The following LRP1 variants were observed in gnomAD, a reference collection of about 807,000 sequenced individuals.
The protein encoded by LRP1 is prolow-density lipoprotein receptor-related protein 1.
LRP1 carries 51 observed loss-of-function variants against 541.5 expected under a neutral mutation model. The ratio of observed to expected loss-of-function variants is 0.09; its 90% CI spans 0.08 to 0.12. LRP1 has a LOEUF of 0.12. LRP1 is among the 10% of genes least tolerant of loss of function. LRP1 has a pLI of 1.00. For missense variants in LRP1, 3,878 were observed against 6,376.2 expected (o/e 0.61, Z 13.34); for synonymous variants, 2,219 against 2,470.8 (o/e 0.90, Z 3.02).
rs1344427030 is a variant in LRP1, at chr12:57,178,892, C to T, written c.4609C>T (p.Pro1537Ser). Residue 1537 changes from proline to serine, a missense_variant and splice_region_variant, in exon 28 of 89, where the codon CCC becomes TCC. Coordinates refer to ENST00000243077, the MANE Select transcript of LRP1 (RefSeq NM_002332.3). The surrounding 1 kb of genome is among the most constrained non-coding windows in gnomAD (Gnocchi z 5.8). ...VYHPSRQPMA[P>S]NPCEANGGQG... The stretch of plus-strand genomic sequence containing the variant: ...TCTCTTCTCCACCCTGCCCCCAGCT[C>T]CCAATCCCTGTGAGGCCAATGGGGG... 1 of 1,612,292 alleles carries T rather than the reference C, an allele frequency of 6.2e-7. No individual in the cohort carries two copies. The highest frequency in any genetic ancestry group is 1.3e-5 in the African/African-American group (1 of 74,854).
intron 1 of LRP1, among the ~76,000 whole-genome samples, chr12:57,132,991 G>A (rs1162408971): frequency 6.6e-6 from 1 of 152,130 alleles, no homozygotes; most frequent in Non-Finnish European, 1.5e-5. Context: ...CACTAATTTG[G>A]GGAATGGGTT....
At position 57,138,442 on chromosome 12, in the gene LRP1, T is replaced by C; in HGVS notation, c.68-17T>C. On this transcript the variant is annotated splice_polypyrimidine_tract_variant and intron_variant, in intron 1 of 88. Transcript: ENST00000243077. ...CTCCATCCTTCATTTATATCCCCTT[T>C]TCTTTCCTTGCCCTAGCCCCTAAGA... The C allele has an allele frequency of 6.2e-7, 1 of 1,612,886 alleles. No individual in the cohort carries two copies. The highest frequency in any genetic ancestry group is 8.5e-7 in the Non-Finnish European group (1 of 1,179,238).
intron 1 of LRP1, among the ~76,000 whole-genome samples, chr12:57,136,159 C>T (rs1170745982): frequency 4.6e-5 from 7 of 152,186 alleles, no homozygotes; most frequent in African/African-American, 1.4e-4. Flanking sequence ...CACAGCTGGC[C>T]CAGTGGGGCA....
In LRP1 at chr12:57,186,036, AC is replaced by A. The variant is rs1254132584; in HGVS notation, c.6841+129del. ...AGCAGCTACAACTCAGCTGAATCCA[AC>A]TGCACCCCCGCAGTTACATGACTCC... On this transcript the variant is annotated intron_variant, in intron 41 of 88. Transcript: ENST00000243077. 3 of 1,078,906 alleles carry A rather than the reference AC, an allele frequency of 2.8e-6. No individual in the cohort carries two copies. In the African/African-American group the frequency reaches 4.8e-5, roughly 17 times the overall value. The allele number at this position is 1,078,906 out of a possible 1,614,324, so 66.8% of individuals were successfully genotyped here. A position where few individuals can be genotyped will look rare whatever the true frequency, so the allele number is the denominator to read the frequency against.
chr12:57,158,469 G>T lies in LRP1; in HGVS notation c.1629G>T (p.Met543Ile). ...GRPGIIRGMD[M>I]GAKVPDEHMI... is the part of the protein sequence containing the mutation. ...CAGGCATCATCCGGGGCATGGATATGGGGGCCAAGGTCCCGGATGAGCACA... is the reference window on the plus strand; with the variant it reads ...CAGGCATCATCCGGGGCATGGATATTGGGGCCAAGGTCCCGGATGAGCACA... Residue 543 changes from methionine to isoleucine, a missense_variant, in exon 11 of 89, where the codon ATG (methionine) becomes ATT (isoleucine). This residue lies in a region of LRP1 where 496 missense variants were observed against 861.0 expected (regional missense o/e 0.58). Coordinates refer to ENST00000243077, the MANE Select transcript of LRP1 (RefSeq NM_002332.3). This position sits in a 1 kb window ranked among gnomAD's most constrained non-coding sequence, Gnocchi z 5.3. The T allele has an allele frequency of 6.2e-7, 1 of 1,614,162 alleles. No homozygotes were observed. The highest frequency in any genetic ancestry group is 8.5e-7 in the Non-Finnish European group (1 of 1,179,990).
chr12:57,173,010 G>A lies in LRP1; in HGVS notation c.3164-158G>A, dbSNP rs1404778114. On this transcript the variant is annotated intron_variant, in intron 20 of 88. Transcript: ENST00000243077. This position sits in a 1 kb window ranked among gnomAD's most constrained non-coding sequence, Gnocchi z 4.7. ...TGCCTCCTGACTCTACTACTGAGTT[G>A]GTGCTTCCAAGGAGTGTCAGCAAAG... 6.6e-6 allele frequency among the ~76,000 whole-genome samples: 1 copy of A among 152,184 alleles called. No individual in the cohort carries two copies. Among genetic ancestry groups the A allele is most frequent in the African/African-American group, 2.4e-5 (1 of 41,446 alleles).
At chr12:57,182,309 G>C (rs922003305) in intron 34 of LRP1, among the ~76,000 whole-genome samples, 1 of 151,362 alleles carries the variant, frequency 6.6e-6, no homozygotes. Context: ...TCAGAAGTTT[G>C]AGACTAGCTT....
chr12:57,172,050 G>A (rs564792168), intron 20 of LRP1, among the ~76,000 whole-genome samples: 50 of 143,242 alleles, frequency 3.5e-4, no homozygotes, highest in Admixed American at 5.6e-4. Flanking sequence ...CAGCTGTGGC[G>A]TTTTCTTTTT....
In LRP1 at chr12:57,195,120, G is replaced by A. The variant is rs1244638639; in HGVS notation, c.8308+19G>A. Reference sequence around the variant, plus strand: ...CACTGTGGTAAGGAAGCTGGGATTGGGCCGGGGGAGGTGCCCCAGGGAGGG... The same window carrying A: ...CACTGTGGTAAGGAAGCTGGGATTGAGCCGGGGGAGGTGCCCCAGGGAGGG... On this transcript the variant is annotated intron_variant, in intron 51 of 88. Transcript: ENST00000243077. The A allele has an allele frequency of 3.1e-6, 5 of 1,608,870 alleles. No homozygotes were observed. The highest frequency in any genetic ancestry group is 2.6e-6 in the Non-Finnish European group (3 of 1,175,660).
At chr12:57,207,605 C>G (rs7977876) in intron 76 of LRP1, among the ~76,000 whole-genome samples, 1 of 151,966 alleles carries the variant, frequency 6.6e-6, no homozygotes, top group Non-Finnish European at 1.5e-5. Flanking sequence ...AGGGGGCAGT[C>G]TTAGGATTGT....
Position 57,212,071 on chromosome 12 carries a change from TC to T in LRP1, c.13350-39del, listed in dbSNP as rs752733226. ...GGTCATTATTTTGCCATCCTAGCCT[TC>T]CCCCCCAATAATCTCTGTCTCCTTA... On this transcript the variant is annotated intron_variant, in intron 87 of 88. Transcript: ENST00000243077. The surrounding 1 kb of genome is among the most constrained non-coding windows in gnomAD (Gnocchi z 5.0). 6.2e-7 allele frequency: 1 copy of T among 1,612,340 alleles called. No homozygotes were observed. The highest frequency in any genetic ancestry group is 1.1e-5 in the South Asian group (1 of 90,990).
intron 30 of LRP1, 41 bp from the exon 31 acceptor site, chr12:57,180,006 A>G (rs747224528): frequency 5.6e-6 from 9 of 1,613,724 alleles, no homozygotes; most frequent in Admixed American, 3.3e-5. Flanking sequence ...GGCTGGGAAG[A>G]AGAGGACCCT....
Position 57,154,895 on chromosome 12 carries a change from G to T in LRP1, c.1227+194G>T, listed in dbSNP as rs537867917. ...CAAGATACGGGTTCCACTGTGATGG[G>T]AACAGTCATTTTAGAAACACCACTT... On this transcript the variant is annotated intron_variant, in intron 8 of 88. Transcript: ENST00000243077. This position sits in a 1 kb window ranked among gnomAD's most constrained non-coding sequence, Gnocchi z 4.6. 5 of 618,014 alleles carry T rather than the reference G, an allele frequency of 8.1e-6. No homozygotes were observed. In the Admixed American group the frequency reaches 1.4e-4, roughly 17 times the overall value. 38.3% of individuals were successfully genotyped at this position (618,014 alleles called of 1,614,324 possible). A position where few individuals can be genotyped will look rare whatever the true frequency, so the allele number is the denominator to read the frequency against.
chr12:57,156,895 G>A lies in LRP1; in HGVS notation c.1536G>A (p.Leu512=). ...RTCRCRSGFS[L]GSDGKSCKKP... Reference sequence around the variant, plus strand: ...GCCGCTGCCGTTCCGGCTTCAGCCTGGGCAGTGACGGGAAGTCATGCAAGA... The same window carrying A: ...GCCGCTGCCGTTCCGGCTTCAGCCTAGGCAGTGACGGGAAGTCATGCAAGA... The change falls in exon 10 of 89, where the codon CTG becomes CTA. Residue 512 remains leucine, a synonymous_variant. Transcript: ENST00000243077. This position sits in a 1 kb window ranked among gnomAD's most constrained non-coding sequence, Gnocchi z 5.2. The A allele has an allele frequency of 6.3e-7, 1 of 1,587,440 alleles. No individual in the cohort carries two copies. The highest frequency in any genetic ancestry group is 8.6e-7 in the Non-Finnish European group (1 of 1,167,294).
rs544309738 is a variant in LRP1 at position 57,156,424 on chromosome 12, C to T, written c.1417+141C>T. 1 of 881,886 alleles carries T rather than the reference C, an allele frequency of 1.1e-6. No individual in the cohort carries two copies. Among genetic ancestry groups the T allele is most frequent in the African/African-American group, 1.7e-5 (1 of 59,114 alleles). 54.6% of individuals were successfully genotyped at this position (881,886 alleles called of 1,614,324 possible). ...CATGACCGATTCTCCTAGCCAGCCA[C>T]TCGGGCTACCTGCCCTGGCCCCTCA... On this transcript the variant is annotated intron_variant, in intron 9 of 88. Transcript: ENST00000243077. This position sits in a 1 kb window ranked among gnomAD's most constrained non-coding sequence, Gnocchi z 5.2.
rs1190699844 is a variant in LRP1 at position 57,206,130 on chromosome 12, T to C, written c.11591-343T>C. On this transcript the variant is annotated intron_variant, in intron 75 of 88. Transcript: ENST00000243077. The surrounding 1 kb of genome is among the most constrained non-coding windows in gnomAD (Gnocchi z 4.7). ...CCATGCCAAGCACACACACCCCATGTGCCTATGCACCCCCGAGCATGTGCC... is the reference window on the plus strand; with the variant it reads ...CCATGCCAAGCACACACACCCCATGCGCCTATGCACCCCCGAGCATGTGCC... 6.6e-6 allele frequency among the ~76,000 whole-genome samples: 1 copy of C among 152,236 alleles called. No homozygotes were observed.
In LRP1 at chr12:57,185,620, G is replaced by A; in HGVS notation, c.6553G>A (p.Gly2185Arg). The change falls in exon 41 of 89, where the codon GGG becomes AGG. Residue 2185 changes from glycine (G) to arginine (R), a missense_variant. This residue lies in a region of LRP1 where 1,100 missense variants were observed against 1,827.4 expected (regional missense o/e 0.60). Transcript: ENST00000243077. This position sits in a 1 kb window ranked among gnomAD's most constrained non-coding sequence, Gnocchi z 4.9. ...RGQRACACAH[G>R]MLAEDGASCR... ...GCAGCGGGCCTGCGCCTGTGCCCAC[G>A]GGATGCTGGCTGAAGACGGAGCATC... 4 of 1,611,178 alleles carry A rather than the reference G, an allele frequency of 2.5e-6. No individual in the cohort carries two copies. Among genetic ancestry groups the A allele is most frequent in the Non-Finnish European group, 1.7e-6 (2 of 1,179,862 alleles).
At position 57,187,172 on chromosome 12, in the gene LRP1, C is replaced by T. The variant is rs952537364; in HGVS notation, c.6842-95C>T. The T allele has an allele frequency of 6.1e-6, 8 of 1,321,382 alleles. No homozygotes were observed. In the African/African-American group the frequency reaches 1.0e-4, roughly 17 times the overall value. The allele number at this position is 1,321,382 out of a possible 1,614,324, so 81.9% of individuals were successfully genotyped here. On this transcript the variant is annotated intron_variant, in intron 41 of 88. Transcript: ENST00000243077. Reference sequence around the variant, plus strand: ...CCATACCCCACACTTCGCCTTCCAGCCAGGAGAGCACCTGCCCCAGGCTGT... The same window carrying T: ...CCATACCCCACACTTCGCCTTCCAGTCAGGAGAGCACCTGCCCCAGGCTGT...
intron 24 of LRP1, among the ~76,000 whole-genome samples, 162 bp from the exon 25 acceptor site, chr12:57,176,879 G>T (rs1193178664): frequency 6.6e-6 from 1 of 151,238 alleles, no homozygotes; most frequent in East Asian, 1.9e-4. Flanking sequence ...AAAAAAAAAA[G>T]TTGGGGAGAC....
Sources: gnomAD v4.1 joint callset for allele counts (sites outside exome capture counted in the v4.1 genomes callset) on GRCh38, gnomAD v4.1.1 for gene constraint, gnomAD v4.1.1 regional missense constraint, Gnocchi (gnomAD v3.1) non-coding constraint, MANE v1.5 for transcripts, NCBI Gene and HGNC (gene_info 2026-07-23, HGNC 2026-07-21) for gene names.